The following SPIN1 variants were observed in gnomAD, a reference collection of about 807,000 sequenced individuals.
SPIN1 encodes the protein spindlin 1.
In SPIN1, 3 loss-of-function variants were observed where a neutral mutation model predicts 26.0. That is an observed-to-expected ratio of 0.12 (90% CI 0.05 to 0.30). The LOEUF is 0.30. SPIN1 is among the 10% of genes least tolerant of loss of function. SPIN1 has a pLI of 1.00. For synonymous variants in SPIN1, 101 were observed against 116.5 expected (o/e 0.87, Z 0.86); for missense variants, 126 against 333.4 (o/e 0.38, Z 4.84).
At chr9:88,391,655 G>C (rs1344735929) in intron 1 of SPIN1, 1 of 152,216 alleles carries the variant, frequency 6.6e-6, no homozygotes, top group African/African-American at 2.4e-5. Flanking sequence ...TTGTTGGGAT[G>C]AATCTTCTGG....
At chr9:88,402,348 T>C (rs1269804077) in intron 1 of SPIN1, among the ~76,000 whole-genome samples, 2 of 152,152 alleles carry the variant, frequency 1.3e-5, no homozygotes, top group Non-Finnish European at 2.9e-5. Context: ...TTTTAGCTAC[T>C]TTGAGATATA....
At position 88,472,453 on chromosome 9, in the gene SPIN1, C is replaced by T. The variant is rs545550391; in HGVS notation, c.590-2625C>T. Among the ~76,000 whole-genome samples, 14 of 151,772 alleles carry T rather than the reference C, an allele frequency of 9.2e-5. No individual in the cohort carries two copies. The East Asian group carries it at 9.7e-4, about 11-fold the overall frequency. On this transcript the variant is annotated intron_variant, in intron 5 of 5. Transcript: ENST00000375859. ...TTCACCATGTTGACCAGGCTGGTCTCGATCTCCTGACCTCAGGTGAGCCGC... is the reference window on the plus strand; with the variant it reads ...TTCACCATGTTGACCAGGCTGGTCTTGATCTCCTGACCTCAGGTGAGCCGC...
intron 5 of SPIN1, among the ~76,000 whole-genome samples, chr9:88,473,316 C>T (rs113413365): frequency 7.2e-6 from 1 of 138,364 alleles, no homozygotes; most frequent in African/African-American, 3.5e-5. Flanking sequence ...TCACTTGAAC[C>T]CGGGAGGCAG....
chr9:88,435,254 C>G (rs1235644667), intron 2 of SPIN1, among the ~76,000 whole-genome samples: 2 of 151,180 alleles, frequency 1.3e-5, no homozygotes, highest in Non-Finnish European at 2.9e-5. Context: ...CTCACTCCGT[C>G]ACCCAGGCTG....
chr9:88,474,438 G>T (rs759270497), intron 5 of SPIN1, among the ~76,000 whole-genome samples: 1 of 152,102 alleles, frequency 6.6e-6, no homozygotes, highest in African/African-American at 2.4e-5. Flanking sequence ...CCTTGTAGTT[G>T]TCCTGGGCTG....
chr9:88,406,872 T>TG (rs1241463739), intron 1 of SPIN1, among the ~76,000 whole-genome samples: 3 of 152,194 alleles, frequency 2.0e-5, no homozygotes, highest in African/African-American at 7.2e-5. Flanking sequence ...CTGGATACTC[T>TG]GTTGAGCTCA....
rs1168616590 is a variant in SPIN1, at chr9:88,477,660, CAT to C, written c.*2384_*2385del. ...TGTATCTTGGGCTTCATTTTAGGCTCATGTGTCAGATCTGCATGCATTGCTTG... is the reference window on the plus strand; with the variant it reads ...TGTATCTTGGGCTTCATTTTAGGCTCGTGTCAGATCTGCATGCATTGCTTG... On this transcript the variant is annotated 3_prime_UTR_variant, in exon 6 of 6. Transcript: ENST00000375859. The C allele has an allele frequency of 6.6e-6, 1 of 152,520 alleles. No individual in the cohort carries two copies. The highest frequency in any genetic ancestry group is 1.5e-5 in the Non-Finnish European group (1 of 68,032). The allele number at this position is 152,520 out of a possible 1,614,324, so 9.4% of individuals were successfully genotyped here. A position where few individuals can be genotyped will look rare whatever the true frequency, so the allele number is the denominator to read the frequency against.
chr9:88,472,780 C>T (rs1016964759), intron 5 of SPIN1, among the ~76,000 whole-genome samples: 14 of 152,236 alleles, frequency 9.2e-5, no homozygotes, highest in African/African-American at 2.9e-4. Flanking sequence ...TGAGCCACTG[C>T]GTCCGGCTCC....
intron 2 of SPIN1, among the ~76,000 whole-genome samples, chr9:88,432,602 G>A (rs112904300): frequency 0.013 from 1,912 of 151,760 alleles, 34 homozygotes; most frequent in African/African-American, 0.044. Context: ...TCCTGCCTCA[G>A]CCTCTGGAGT....
chr9:88,401,085 A>T (rs1827176064), intron 1 of SPIN1, among the ~76,000 whole-genome samples: 1 of 152,200 alleles, frequency 6.6e-6, no homozygotes, highest in South Asian at 2.1e-4. Flanking sequence ...GTGGAACTGT[A>T]CTTTGCTAGG....
At chr9:88,407,954 A>G (rs1052001970) in intron 1 of SPIN1, among the ~76,000 whole-genome samples, 1 of 151,610 alleles carries the variant, frequency 6.6e-6, no homozygotes. Context: ...GTACAGACAG[A>G]TAGGGTTTCG....
intron 2 of SPIN1, among the ~76,000 whole-genome samples, chr9:88,441,367 C>G (rs575961416): frequency 8.1e-6 from 1 of 123,104 alleles, no homozygotes; most frequent in East Asian, 2.1e-4. Context: ...GATTCTCTCT[C>G]CAGTCTGGTT....
At chr9:88,449,055 C>T in intron 3 of SPIN1, 66 bp downstream of exon 3, 4 of 1,534,734 alleles carry the variant, frequency 2.6e-6, no homozygotes, top group Non-Finnish European at 3.6e-6. Flanking sequence ...CATACAAGAT[C>T]ACCTAGGTAA....
chr9:88,465,638 AG>A (rs1828653138), intron 4 of SPIN1, among the ~76,000 whole-genome samples: 1 of 152,080 alleles, frequency 6.6e-6, no homozygotes. Flanking sequence ...TTTTTTAATT[AG>A]GTTATTTTGA....
At chr9:88,422,960 C>T (rs913860623) in intron 1 of SPIN1, among the ~76,000 whole-genome samples, 8 of 151,988 alleles carry the variant, frequency 5.3e-5, no homozygotes. Flanking sequence ...TCGTCCACCT[C>T]GGCCTCCCAA....
At chr9:88,434,870 A>G (rs7876048) in intron 2 of SPIN1, among the ~76,000 whole-genome samples, 40,804 of 151,908 alleles carry the variant, frequency 0.27, 9,280 homozygotes, top group African/African-American at 0.62. Flanking sequence ...TGGCCAACAT[A>G]GCGAAACCTC....
chr9:88,466,354 C>A (rs1828668025), intron 4 of SPIN1, among the ~76,000 whole-genome samples: 1 of 152,108 alleles, frequency 6.6e-6, no homozygotes, highest in South Asian at 2.1e-4. Flanking sequence ...GATGAGATCT[C>A]ATTATGTTGC....
chr9:88,398,432 C>T (rs554438481), intron 1 of SPIN1, among the ~76,000 whole-genome samples: 3 of 152,134 alleles, frequency 2.0e-5, no homozygotes, highest in African/African-American at 7.2e-5. Context: ...GTATCTAGCT[C>T]AGTGTCTGAA....
At chr9:88,460,497 TTTA>T (rs764821130) in intron 3 of SPIN1, among the ~76,000 whole-genome samples, 13 of 152,182 alleles carry the variant, frequency 8.5e-5, no homozygotes, top group East Asian at 5.8e-4. Flanking sequence ...ATGAAGGAGA[TTTA>T]TTATGAGGAA....
Sources: allele counts gnomAD v4.1 joint callset (sites outside exome capture counted in the v4.1 genomes callset), GRCh38; gene constraint gnomAD v4.1.1; transcripts MANE v1.5; gene names NCBI Gene and HGNC (gene_info 2026-07-23, HGNC 2026-07-21).